The following WNT2 variants were observed in gnomAD, a reference collection of about 807,000 sequenced individuals.
The protein encoded by WNT2 is Wnt family member 2.
Under a neutral mutation model 36.9 loss-of-function variants are expected in WNT2, and 12 were observed. That is an observed-to-expected ratio of 0.33 (90% CI 0.21 to 0.53). The LOEUF (loss-of-function observed/expected upper bound fraction) is 0.53. WNT2 is among the 20% of genes least tolerant of loss of function. The pLI is 0.95. For synonymous variants in WNT2, 163 were observed against 174.6 expected (o/e 0.93, Z 0.52); for missense variants, 379 against 473.1 (o/e 0.80, Z 1.84).
chr7:117,300,568 G>C (rs1295796961), intron 3 of WNT2, among the ~76,000 whole-genome samples: 1 of 152,148 alleles, frequency 6.6e-6, no homozygotes, highest in Non-Finnish European at 1.5e-5. Flanking sequence ...GGGAGGCTGA[G>C]GCAAAAGGAT....
intron 4 of WNT2, among the ~76,000 whole-genome samples, chr7:117,288,004 A>G (rs902355819): frequency 6.6e-6 from 1 of 152,122 alleles, no homozygotes; most frequent in Non-Finnish European, 1.5e-5. Context: ...AAGAAAAAAA[A>G]AAATTAAGAT....
intron 3 of WNT2, among the ~76,000 whole-genome samples, chr7:117,311,811 T>TCTTCCCGTAGCAC (rs1453704715): frequency 6.6e-6 from 1 of 152,196 alleles, no homozygotes; most frequent in Non-Finnish European, 1.5e-5. Context: ...CTTACACTTG[T>TCTTCCCGTAGCAC]CTTCCCGTAG....
At chr7:117,301,193 C>T (rs1563202743) in intron 3 of WNT2, among the ~76,000 whole-genome samples, 1 of 152,154 alleles carries the variant, frequency 6.6e-6, no homozygotes, top group Non-Finnish European at 1.5e-5. Context: ...TAGTATTGGG[C>T]TTGCTCACGT....
At chr7:117,293,146 A>G (rs1271669856) in intron 4 of WNT2, among the ~76,000 whole-genome samples, 1 of 152,168 alleles carries the variant, frequency 6.6e-6, no homozygotes, top group Non-Finnish European at 1.5e-5. Context: ...AGAAACTTAT[A>G]TAATTTCGGG....
intron 4 of WNT2, among the ~76,000 whole-genome samples, chr7:117,292,933 G>A (rs1261489382): frequency 6.6e-6 from 1 of 152,036 alleles, no homozygotes; most frequent in Non-Finnish European, 1.5e-5. Context: ...ATCATACACT[G>A]CCTAAATCAC....
Position 117,278,164 on chromosome 7 carries a change from G to A in WNT2, c.1074C>T (p.Thr358=), listed in dbSNP as rs200807787. Residue 358 remains threonine (T), a synonymous_variant, in exon 5 of 5, where the codon ACC becomes ACT. Coordinates refer to ENST00000265441, the MANE Select transcript of WNT2 (RefSeq NM_003391.3). ...CKAPKNADWT[T]AT Reference sequence around the variant, plus strand: ...GTGACGCCTGCTGGGGTCATGTAGCGGTTGTCCAGTCAGCGTTCTTGGGGG... The same window carrying A: ...GTGACGCCTGCTGGGGTCATGTAGCAGTTGTCCAGTCAGCGTTCTTGGGGG... 8.1e-5 allele frequency: 130 copies of A among 1,614,078 alleles called. No homozygotes were observed. The highest frequency in any genetic ancestry group is 1.1e-4 in the East Asian group (5 of 44,894).
chr7:117,291,334 G>A (rs1235421010), intron 4 of WNT2, among the ~76,000 whole-genome samples: 1 of 152,186 alleles, frequency 6.6e-6, no homozygotes, highest in Non-Finnish European at 1.5e-5. Flanking sequence ...TTGGAGAGGA[G>A]ACCTCAGGGT....
chr7:117,309,027 T>TAAAA (rs1023269336), intron 3 of WNT2, among the ~76,000 whole-genome samples: 1 of 127,496 alleles, frequency 7.8e-6, no homozygotes, highest in Non-Finnish European at 1.7e-5. Context: ...CTATGAAACA[T>TAAAA]AAAAAAAAAA....
At chr7:117,283,674 C>T (rs189474193) in intron 4 of WNT2, among the ~76,000 whole-genome samples, 103 of 152,280 alleles carry the variant, frequency 6.8e-4, no homozygotes, top group Admixed American at 1.8e-3. Flanking sequence ...TCAACACCAT[C>T]AGAACTCAGA....
At chr7:117,295,237 A>T (rs984372993) in intron 4 of WNT2, among the ~76,000 whole-genome samples, 3 of 152,130 alleles carry the variant, frequency 2.0e-5, no homozygotes, top group African/African-American at 7.2e-5. Flanking sequence ...AAAATCTTTA[A>T]CCTCTTAGAG....
At chr7:117,306,855 G>A (rs750850088) in intron 3 of WNT2, among the ~76,000 whole-genome samples, 7 of 152,120 alleles carry the variant, frequency 4.6e-5, no homozygotes, top group Non-Finnish European at 5.9e-5. Flanking sequence ...CTCTTTTGGT[G>A]TTTAGCTTCA....
intron 3 of WNT2, among the ~76,000 whole-genome samples, chr7:117,298,470 C>T (rs1224901252): frequency 6.6e-6 from 1 of 152,146 alleles, no homozygotes; most frequent in Non-Finnish European, 1.5e-5. Context: ...CCAGGCTGTA[C>T]TGCAAAGTCA....
intron 3 of WNT2, among the ~76,000 whole-genome samples, chr7:117,310,993 T>C (rs1411565245): frequency 6.6e-6 from 1 of 152,244 alleles, no homozygotes; most frequent in Non-Finnish European, 1.5e-5. Context: ...TTTTCCACAT[T>C]GATTTAGTAC....
chr7:117,317,806 G>T (rs1222362206), intron 2 of WNT2, among the ~76,000 whole-genome samples: 1 of 152,136 alleles, frequency 6.6e-6, no homozygotes, highest in Non-Finnish European at 1.5e-5. Context: ...TAGAGAGATT[G>T]TTACCTAGGA....
At chr7:117,302,782 G>A (rs187188956) in intron 3 of WNT2, among the ~76,000 whole-genome samples, 2 of 152,294 alleles carry the variant, frequency 1.3e-5, no homozygotes, top group East Asian at 3.9e-4. Context: ...AAAGTCAAGC[G>A]ATAAAAGCAA....
chr7:117,294,690 G>A (rs1268482496), intron 4 of WNT2, among the ~76,000 whole-genome samples: 1 of 151,796 alleles, frequency 6.6e-6, no homozygotes, highest in Non-Finnish European at 1.5e-5. Flanking sequence ...GCTAAAATTT[G>A]TCTAAGACAG....
chr7:117,310,715 G>A (rs1471960155), intron 3 of WNT2, among the ~76,000 whole-genome samples: 4 of 150,690 alleles, frequency 2.7e-5, no homozygotes, highest in African/African-American at 9.8e-5. Flanking sequence ...TCAACTTTAT[G>A]ATACACTTCC....
chr7:117,287,752 T>A (rs1487172039), intron 4 of WNT2, among the ~76,000 whole-genome samples: 4 of 151,566 alleles, frequency 2.6e-5, no homozygotes, highest in African/African-American at 9.7e-5. Flanking sequence ...CTTTGGGAGG[T>A]CAAGGTGGGC....
At chr7:117,319,847 C>T (rs1040190082) in intron 2 of WNT2, among the ~76,000 whole-genome samples, 1 of 152,186 alleles carries the variant, frequency 6.6e-6, no homozygotes, top group African/African-American at 2.4e-5. Flanking sequence ...CTCTATCCTC[C>T]ATAGCTATCC....
Sources: gnomAD v4.1 joint callset for allele counts (sites outside exome capture counted in the v4.1 genomes callset) on GRCh38, gnomAD v4.1.1 for gene constraint, MANE v1.5 for transcripts, NCBI Gene and HGNC (gene_info 2026-07-23, HGNC 2026-07-21) for gene names.